SPON1: variants seen among roughly 807,000 people sequenced by gnomAD.
The protein encoded by SPON1 is spondin-1.
SPON1 carries 52 observed loss-of-function variants against 111.7 expected under a neutral mutation model. The observed-to-expected ratio is 0.47, with a 90% CI of 0.37 to 0.59. The LOEUF (loss-of-function observed/expected upper bound fraction) is 0.59, where lower values mean the gene tolerates loss of function less well. SPON1 is among the 20% of genes least tolerant of loss of function. The pLI, the probability that SPON1 is intolerant of heterozygous loss-of-function variation, is 0.00. For missense variants in SPON1, 957 were observed against 1,068.5 expected (o/e 0.90, Z 1.46); for synonymous variants, 410 against 395.8 (o/e 1.04, Z -0.43).
intron 5 of SPON1, among the ~76,000 whole-genome samples, chr11:14,091,786 G>T (rs1170317880): frequency 6.6e-6 from 1 of 152,182 alleles, no homozygotes; most frequent in Non-Finnish European, 1.5e-5. Flanking sequence ...ACAGTGCAGT[G>T]GGGGGCTGAA....
intron 3 of SPON1, among the ~76,000 whole-genome samples, chr11:14,070,203 G>T (rs1306408091): frequency 6.6e-6 from 1 of 152,138 alleles, no homozygotes; most frequent in African/African-American, 2.4e-5. Flanking sequence ...AATATTGCTG[G>T]TTATAAACTG....
chr11:13,966,869 C>G (rs901297406), intron 1 of SPON1, among the ~76,000 whole-genome samples: 59 of 152,176 alleles, frequency 3.9e-4, no homozygotes, highest in Non-Finnish European at 1.5e-4. Flanking sequence ...TTTTTCCCAG[C>G]ATTCCTGTGA....
chr11:14,169,328 C>T (rs1438353526), intron 6 of SPON1, among the ~76,000 whole-genome samples: 1 of 152,046 alleles, frequency 6.6e-6, no homozygotes, highest in African/African-American at 2.4e-5. Flanking sequence ...TCATATCCTT[C>T]ACCCACTTTT....
chr11:14,019,431 T>G (rs1848465399), intron 2 of SPON1, among the ~76,000 whole-genome samples: 1 of 150,754 alleles, frequency 6.6e-6, no homozygotes, highest in Non-Finnish European at 1.5e-5. Flanking sequence ...TATATGATTA[T>G]ATATATAATT....
At chr11:14,217,232 T>A (rs1198702032) in intron 6 of SPON1, among the ~76,000 whole-genome samples, 2 of 152,204 alleles carry the variant, frequency 1.3e-5, no homozygotes, top group African/African-American at 4.8e-5. Flanking sequence ...GTGCTCACAG[T>A]TCGGTTGTTT....
intron 2 of SPON1, among the ~76,000 whole-genome samples, chr11:14,004,601 T>G (rs1426517645): frequency 2.0e-5 from 3 of 152,250 alleles, no homozygotes; most frequent in Non-Finnish European, 4.4e-5. Flanking sequence ...TGAACACCTT[T>G]TCATATACCT....
intron 2 of SPON1, among the ~76,000 whole-genome samples, chr11:14,014,567 C>G (rs1848431200): frequency 6.6e-6 from 1 of 152,184 alleles, no homozygotes; most frequent in Non-Finnish European, 1.5e-5. Flanking sequence ...GGTGCTATGT[C>G]CATGGCAGTG....
rs180989995 is a variant in SPON1 at position 13,982,992 on chromosome 11, C to T, written c.345+39C>T. The T allele has an allele frequency of 3.1e-3, 4,262 of 1,369,992 alleles. 6 individuals are homozygous for T. The highest frequency in any genetic ancestry group is 4.0e-3 in the Non-Finnish European group (3,949 of 982,586). 84.9% of individuals were successfully genotyped at this position (1,369,992 alleles called of 1,614,324 possible). A position where few individuals can be genotyped will look rare whatever the true frequency, so the allele number is the denominator to read the frequency against. ...TGGGCTTATTCAGTGGCCCTCCCTG[C>T]CCTAGGAGGTAGAGGCTGGAGAGGT... On this transcript the variant is annotated intron_variant, in intron 2 of 15. Transcript: ENST00000576479.
intron 1 of SPON1, among the ~76,000 whole-genome samples, chr11:13,980,049 CTT>C (rs75144823): frequency 1.4e-5 from 2 of 147,448 alleles, no homozygotes; most frequent in East Asian, 2.0e-4. Context: ...CTCATTCCTT[CTT>C]TTTTTTTTTG....
intron 15 of SPON1, among the ~76,000 whole-genome samples, chr11:14,265,159 T>C (rs1554942325): frequency 6.6e-6 from 1 of 152,158 alleles, no homozygotes; most frequent in African/African-American, 2.4e-5. Context: ...GGGGCTTCTC[T>C]GCACATGGTC....
rs141166121 is a variant in SPON1 at position 14,051,810 on chromosome 11, T to C, written c.479+10156T>C. On this transcript the variant is annotated intron_variant, in intron 3 of 15. Transcript: ENST00000576479. Reference sequence around the variant, plus strand: ...ATTGATTAATCAAATAATAAGTAGCTTATATTTATTGCTAACCACTATGCT... The same window carrying C: ...ATTGATTAATCAAATAATAAGTAGCCTATATTTATTGCTAACCACTATGCT... Among the ~76,000 whole-genome samples, 301 of 152,340 alleles carry C rather than the reference T, an allele frequency of 2.0e-3. 2 individuals are homozygous for C. Among genetic ancestry groups the C allele is most frequent in the African/African-American group, 6.9e-3 (285 of 41,576 alleles).
At chr11:14,035,825 C>T (rs1272310116) in intron 2 of SPON1, among the ~76,000 whole-genome samples, 1 of 151,980 alleles carries the variant, frequency 6.6e-6, no homozygotes, top group Non-Finnish European at 1.5e-5. Flanking sequence ...ACTACGTTAC[C>T]CAGGCTGATC....
intron 5 of SPON1, among the ~76,000 whole-genome samples, chr11:14,107,164 T>C (rs1367824752): frequency 6.6e-6 from 1 of 152,170 alleles, no homozygotes; most frequent in Non-Finnish European, 1.5e-5. Context: ...GAAATGGGGC[T>C]AAGAGGCTTT....
At chr11:13,983,075 GTC>G in intron 2 of SPON1, 122 bp downstream of exon 2, 2 of 651,506 alleles carry the variant, frequency 3.1e-6, no homozygotes, top group South Asian at 3.8e-5. Context: ...ACGGGGGCAG[GTC>G]CATTTGAAAG....
intron 6 of SPON1, among the ~76,000 whole-genome samples, chr11:14,181,808 T>G (rs993079663): frequency 7.2e-5 from 11 of 152,260 alleles, no homozygotes; most frequent in African/African-American, 2.7e-4. Context: ...AAAATGACAC[T>G]TCTGGTCTGA....
At chr11:14,263,090 C>T (rs1849209151) in intron 15 of SPON1, 115 bp downstream of exon 15, 4 of 1,146,582 alleles carry the variant, frequency 3.5e-6, no homozygotes, top group Non-Finnish European at 4.8e-6. Context: ...GGAGAGTCTG[C>T]ATCTTCTGGA....
At chr11:13,970,104 G>A (rs1848051096) in intron 1 of SPON1, among the ~76,000 whole-genome samples, 1 of 152,184 alleles carries the variant, frequency 6.6e-6, no homozygotes, top group Non-Finnish European at 1.5e-5. Flanking sequence ...CTCTCTTGGA[G>A]CATCTATGGT....
At chr11:13,977,744 T>A (rs1033642925) in intron 1 of SPON1, among the ~76,000 whole-genome samples, 10 of 152,172 alleles carry the variant, frequency 6.6e-5, no homozygotes, top group African/African-American at 2.4e-5. Flanking sequence ...GTAAGAAATC[T>A]TTGTTACTCC....
chr11:14,051,352 T>C (rs577299538), intron 3 of SPON1, among the ~76,000 whole-genome samples: 1 of 152,170 alleles, frequency 6.6e-6, no homozygotes, highest in South Asian at 2.1e-4. Flanking sequence ...CTGGGAAACA[T>C]AGTGAGACCT....
Sources: gnomAD v4.1 joint callset for allele counts (sites outside exome capture counted in the v4.1 genomes callset) on GRCh38, gnomAD v4.1.1 for gene constraint, MANE v1.5 for transcripts, NCBI Gene and HGNC (gene_info 2026-07-23, HGNC 2026-07-21) for gene names.